Variants in NBEA observed in about 807,000 individuals in gnomAD.
NBEA encodes neurobeachin.
In NBEA, 44 loss-of-function variants were observed where a neutral mutation model predicts 343.4. That is an observed-to-expected ratio of 0.13 (90% confidence interval 0.10 to 0.16). The LOEUF is 0.16. Ranked by LOEUF, NBEA falls within the 10% of genes least tolerant of loss-of-function variation. NBEA has a pLI of 1.00. For synonymous variants in NBEA, 1,175 were observed against 1,238.7 expected, an observed-to-expected ratio of 0.95 and a Z score of 1.08; for missense variants, 2,555 against 3,631.3, an observed-to-expected ratio of 0.70 and a Z score of 7.62.
chr13:35,057,930 T>C (rs1240847257), intron 7 of NBEA, among the ~76,000 whole-genome samples: 2 of 152,186 alleles, frequency 1.3e-5, no homozygotes, highest in African/African-American at 4.8e-5. Context: ...TTTTTTTTGT[T>C]ACTTTATTGC....
intron 38 of NBEA, among the ~76,000 whole-genome samples, chr13:35,410,092 T>G (rs1044013245): frequency 6.6e-6 from 1 of 152,144 alleles, no homozygotes; most frequent in Non-Finnish European, 1.5e-5. Context: ...AGAATCATCA[T>G]TAATAATAAC....
intron 33 of NBEA, among the ~76,000 whole-genome samples, chr13:35,220,648 C>T (rs2074311600): frequency 6.6e-6 from 1 of 151,948 alleles, no homozygotes; most frequent in African/African-American, 2.4e-5. Flanking sequence ...TAAAGGTGTT[C>T]TGTATTTTGG....
intron 38 of NBEA, among the ~76,000 whole-genome samples, chr13:35,407,478 C>T (rs1420325939): frequency 2.0e-5 from 3 of 147,076 alleles, no homozygotes; most frequent in African/African-American, 7.5e-5. Context: ...AATATAAAGA[C>T]ATCTAATACT....
intron 17 of NBEA, among the ~76,000 whole-genome samples, chr13:35,137,504 A>AT (rs1326917370): frequency 6.6e-6 from 1 of 151,832 alleles, no homozygotes; most frequent in East Asian, 1.9e-4. Context: ...AGTTTTAAAA[A>AT]TTTTTTTATT....
At chr13:35,414,763 G>A (rs2043801718) in intron 38 of NBEA, among the ~76,000 whole-genome samples, 1 of 152,152 alleles carries the variant, frequency 6.6e-6, no homozygotes, top group Non-Finnish European at 1.5e-5. Flanking sequence ...GGATGGCTGG[G>A]TCAAATGGTA....
chr13:35,303,160 T>C (rs1481327027), intron 35 of NBEA, among the ~76,000 whole-genome samples: 1 of 152,158 alleles, frequency 6.6e-6, no homozygotes, highest in East Asian at 1.9e-4. Context: ...CTCATTTTCA[T>C]AATTAGTAAT....
chr13:35,018,931 T>C (rs963827207), intron 1 of NBEA, among the ~76,000 whole-genome samples: 1 of 152,202 alleles, frequency 6.6e-6, no homozygotes, highest in Non-Finnish European at 1.5e-5. Flanking sequence ...TATTTCTAGT[T>C]TGTTGAGAGC....
Position 35,578,930 on chromosome 13 carries a change from CTT to C in NBEA, c.7036-4955_7036-4954del, listed in dbSNP as rs34624362. 3.8e-3 allele frequency among the ~76,000 whole-genome samples: 549 copies of C among 145,826 alleles called. 1 individual carries two copies. Among genetic ancestry groups the C allele is most frequent in the African/African-American group, 9.5e-3 (376 of 39,638 alleles). Reference sequence around the variant, plus strand: ...CATATAGCCTACAGGTCATCTTAAACTTTTTTTTTTTTTTAACAATTTTGTAC... The same window carrying C: ...CATATAGCCTACAGGTCATCTTAAACTTTTTTTTTTTTAACAATTTTGTAC... On this transcript the variant is annotated intron_variant, in intron 45 of 58. Transcript: ENST00000379939.
intron 1 of NBEA, among the ~76,000 whole-genome samples, chr13:34,944,002 G>A (rs2059115305): frequency 6.6e-6 from 1 of 152,158 alleles, no homozygotes; most frequent in East Asian, 1.9e-4. Context: ...AAGAAGGAGA[G>A]GAGAATCATA....
intron 35 of NBEA, among the ~76,000 whole-genome samples, chr13:35,298,559 A>G (rs2036315850): frequency 6.6e-6 from 1 of 151,918 alleles, no homozygotes; most frequent in East Asian, 1.9e-4. Context: ...CCTAATAAAC[A>G]TGAGTGTTGT....
chr13:35,483,160 C>T (rs575524633), intron 41 of NBEA, among the ~76,000 whole-genome samples: 13 of 151,818 alleles, frequency 8.6e-5, no homozygotes, highest in African/African-American at 2.9e-4. Context: ...CAAATTAATA[C>T]TTGGTAGAAG....
intron 55 of NBEA, among the ~76,000 whole-genome samples, 176 bp downstream of exon 55, chr13:35,655,925 A>G (rs540267898): frequency 1.3e-5 from 2 of 152,286 alleles, no homozygotes; most frequent in Admixed American, 1.3e-4. Flanking sequence ...AATGATCAGT[A>G]CTATCACCTA....
chr13:35,458,844 A>G (rs2046732928), intron 40 of NBEA, among the ~76,000 whole-genome samples: 1 of 152,186 alleles, frequency 6.6e-6, no homozygotes, highest in Admixed American at 6.5e-5. Context: ...TAGCAAATAG[A>G]AAAGCTGTTC....
In NBEA at chr13:35,290,506, TA is replaced by T. The variant is rs1333715092; in HGVS notation, c.5838+58del. ...ATATATGAGGGTTTTTTGTGACTAA[TA>T]ATAAAAAGTATGTGCATATATATGT... On this transcript the variant is annotated intron_variant, in intron 35 of 58. Transcript: ENST00000379939. 5 of 1,216,218 alleles carry T rather than the reference TA, an allele frequency of 4.1e-6. No homozygotes were observed. The African/African-American group carries it at 6.0e-5, about 15-fold the overall frequency. The allele number at this position is 1,216,218 out of a possible 1,614,324, so 75.3% of individuals were successfully genotyped here.
chr13:35,564,791 C>A (rs931749931), intron 44 of NBEA, among the ~76,000 whole-genome samples: 1 of 152,182 alleles, frequency 6.6e-6, no homozygotes, highest in African/African-American at 2.4e-5. Flanking sequence ...CTCATATATA[C>A]CTCTACGCCT....
intron 1 of NBEA, among the ~76,000 whole-genome samples, chr13:34,945,388 T>C (rs919726056): frequency 1.3e-5 from 2 of 152,124 alleles, no homozygotes; most frequent in Non-Finnish European, 2.9e-5. Flanking sequence ...AATACACTCA[T>C]GAAAATGTCA....
At chr13:35,463,393 C>T (rs1186315927) in intron 40 of NBEA, among the ~76,000 whole-genome samples, 2 of 152,034 alleles carry the variant, frequency 1.3e-5, no homozygotes, top group Non-Finnish European at 2.9e-5. Context: ...GAGGGTGAGG[C>T]GGGAGGATCG....
At chr13:35,368,984 C>G (rs933382497) in intron 38 of NBEA, among the ~76,000 whole-genome samples, 2 of 151,732 alleles carry the variant, frequency 1.3e-5, no homozygotes, top group Non-Finnish European at 3.0e-5. Flanking sequence ...ACCAAACCAT[C>G]TAAGGCACAC....
chr13:35,160,983 T>C (rs2069514787), intron 22 of NBEA, among the ~76,000 whole-genome samples: 1 of 152,190 alleles, frequency 6.6e-6, no homozygotes. Flanking sequence ...GAGTAAACCA[T>C]GCCTGTCTTG....
Sources: allele counts gnomAD v4.1 joint callset (sites outside exome capture counted in the v4.1 genomes callset), GRCh38; gene constraint gnomAD v4.1.1; transcripts MANE v1.5; gene names NCBI Gene and HGNC (gene_info 2026-07-23, HGNC 2026-07-21).